The following SEMA5A variants were observed in gnomAD, a reference collection of about 807,000 sequenced individuals.
SEMA5A encodes the protein semaphorin 5A, also known as semaphorin-5A.
SEMA5A carries 55 observed loss-of-function variants against 135.5 expected under a neutral mutation model. That is an observed-to-expected ratio of 0.41 (90% CI 0.33 to 0.51). The LOEUF (loss-of-function observed/expected upper bound fraction) is 0.51, where lower values mean the gene tolerates loss of function less well. Ranked by LOEUF, SEMA5A falls within the 20% of genes least tolerant of loss-of-function variation. SEMA5A has a pLI of 0.37. For missense variants in SEMA5A, 1,290 were observed against 1,419.9 expected (o/e 0.91, Z 1.47); for synonymous variants, 580 against 546.5 (o/e 1.06, Z -0.85).
At chr5:9,227,741 AG>A in intron 6 of SEMA5A, among the ~76,000 whole-genome samples, 1 of 151,778 alleles carries the variant, frequency 6.6e-6, no homozygotes, top group East Asian at 1.9e-4. Context: ...TAGTAGAGAC[AG>A]GGTTTCACCA....
chr5:9,149,184 T>A (rs1742498105), intron 12 of SEMA5A, among the ~76,000 whole-genome samples: 1 of 152,198 alleles, frequency 6.6e-6, no homozygotes, highest in Admixed American at 6.5e-5. Flanking sequence ...CATCTACCCA[T>A]TCATTATGGT....
At chr5:9,123,294 A>AAAAAAT (rs1740924968) in intron 13 of SEMA5A, among the ~76,000 whole-genome samples, 10 of 142,628 alleles carry the variant, frequency 7.0e-5, no homozygotes, top group Non-Finnish European at 1.4e-4. Flanking sequence ...AAAAAAAAAA[A>AAAAAAT]GATTGCATAA....
chr5:9,536,295 G>T (rs867577393), intron 1 of SEMA5A, among the ~76,000 whole-genome samples: 5 of 152,016 alleles, frequency 3.3e-5, no homozygotes, highest in African/African-American at 1.2e-4. Context: ...GTCACTAAAG[G>T]GTATCTGAAG....
At chr5:9,295,065 G>A (rs979719230) in intron 5 of SEMA5A, among the ~76,000 whole-genome samples, 4 of 152,094 alleles carry the variant, frequency 2.6e-5, no homozygotes, top group Non-Finnish European at 2.9e-5. Context: ...TTCTGGGATC[G>A]GATACACTAT....
intron 8 of SEMA5A, among the ~76,000 whole-genome samples, chr5:9,211,130 A>G (rs1304104273): frequency 2.0e-5 from 3 of 152,138 alleles, no homozygotes; most frequent in Non-Finnish European, 4.4e-5. Flanking sequence ...TTTGCTCAAC[A>G]CACTTTCCAT....
chr5:9,134,038 T>C (rs989976945), intron 13 of SEMA5A, among the ~76,000 whole-genome samples: 4 of 152,160 alleles, frequency 2.6e-5, no homozygotes, highest in Admixed American at 2.6e-4. Context: ...CCTGCTGACT[T>C]GTGAAGAAGG....
intron 13 of SEMA5A, among the ~76,000 whole-genome samples, chr5:9,134,212 C>G (rs774394739): frequency 4.1e-4 from 62 of 152,326 alleles, no homozygotes; most frequent in Middle Eastern, 3.4e-3. Context: ...GTGGCATGAT[C>G]TCGGTTCACC....
chr5:9,076,203 CAAAA>C (rs55743535), intron 16 of SEMA5A, among the ~76,000 whole-genome samples: 2 of 89,888 alleles, frequency 2.2e-5, no homozygotes. Context: ...GACTCCATCT[CAAAA>C]AAAAAAAAAA....
intron 2 of SEMA5A, among the ~76,000 whole-genome samples, chr5:9,395,098 A>T (rs1756331039): frequency 6.6e-6 from 1 of 152,224 alleles, no homozygotes; most frequent in Non-Finnish European, 1.5e-5. Flanking sequence ...TAAAATGAGC[A>T]AAATATTTAC....
chr5:9,161,898 C>A (rs56043446), intron 11 of SEMA5A, among the ~76,000 whole-genome samples: 14,089 of 152,208 alleles, frequency 0.093, 1,007 homozygotes, highest in African/African-American at 0.17. Context: ...AGTGACAGCT[C>A]ACAGCTACAC....
intron 8 of SEMA5A, among the ~76,000 whole-genome samples, chr5:9,203,197 G>T (rs3026337): frequency 1.3e-5 from 2 of 151,994 alleles, no homozygotes; most frequent in East Asian, 3.9e-4. Flanking sequence ...TTTATTCTTC[G>T]CTATTTCTAA....
intron 5 of SEMA5A, among the ~76,000 whole-genome samples, chr5:9,293,457 G>A (rs1160353740): frequency 6.6e-5 from 10 of 152,138 alleles, no homozygotes; most frequent in African/African-American, 2.4e-4. Context: ...ATCACCAAGG[G>A]ACACAAACTT....
At position 9,201,995 on chromosome 5, in the gene SEMA5A, G is replaced by T; in HGVS notation, c.892C>A (p.Pro298Thr). The T allele has an allele frequency of 1.9e-6, 3 of 1,614,172 alleles. No homozygotes were observed. The highest frequency in any genetic ancestry group is 3.3e-5 in the Admixed American group (2 of 60,024). Residue 298 changes from proline (P) to threonine (T), a missense_variant, in exon 9 of 23, where the codon CCT (proline) becomes ACT (threonine). By Grantham distance (38) the Pro-to-Thr change is conservative (BLOSUM62 -1). Around this residue, in one of 3 missense-constraint regions of SEMA5A, gnomAD observed 1,029 missense variants for 1,086.6 expected, o/e 0.95. Coordinates refer to ENST00000382496, the MANE Select transcript of SEMA5A (RefSeq NM_003966.3). Reference sequence around the variant, plus strand: ...ATGCCATAGATCAAATCCAGCTCAGGCAGGAAGAAAGTACTCTGCAATTCG... The same window carrying T: ...ATGCCATAGATCAAATCCAGCTCAGTCAGGAAGAAAGTACTCTGCAATTCG... ...YNELQSTFFL[P>T]ELDLIYGIFT...
chr5:9,035,287 A>C lies in SEMA5A; in HGVS notation c.*7610T>G, dbSNP rs2150005109. ...TCATAAAGATGAATAGGGTTGAGAT[A>C]CAGAAACTGTCAATGCACCAAGAGC... is the stretch of plus-strand genomic sequence containing the variant. On this transcript the variant is annotated 3_prime_UTR_variant, in exon 23 of 23. Coordinates refer to ENST00000382496, the MANE Select transcript of SEMA5A (RefSeq NM_003966.3). The C allele has an allele frequency of 6.6e-6, 1 of 152,338 alleles. No individual in the cohort carries two copies. Among genetic ancestry groups the C allele is most frequent in the Admixed American group, 6.5e-5 (1 of 15,302 alleles). The allele number at this position is 152,338 out of a possible 1,614,324, so 9.4% of individuals were successfully genotyped here.
At chr5:9,066,739 T>G in intron 16 of SEMA5A, 93 bp from the exon 17 acceptor site, 3 of 1,043,356 alleles carry the variant, frequency 2.9e-6, no homozygotes, top group Non-Finnish European at 4.3e-6. Context: ...TAAGGGTCTC[T>G]AAAACACCAG....
At chr5:9,329,641 G>A (rs1753030314) in intron 4 of SEMA5A, among the ~76,000 whole-genome samples, 2 of 152,214 alleles carry the variant, frequency 1.3e-5, no homozygotes, top group South Asian at 2.1e-4. Flanking sequence ...TCAATACTCA[G>A]TCTGTAGCAC....
intron 16 of SEMA5A, among the ~76,000 whole-genome samples, chr5:9,073,081 C>T (rs1419187420): frequency 6.6e-6 from 1 of 152,080 alleles, no homozygotes; most frequent in Non-Finnish European, 1.5e-5. Context: ...CAGTATCTCC[C>T]AAGTCATTCT....
intron 2 of SEMA5A, among the ~76,000 whole-genome samples, chr5:9,392,523 A>G (rs1756207493): frequency 6.6e-6 from 1 of 152,228 alleles, no homozygotes; most frequent in Admixed American, 6.5e-5. Flanking sequence ...GGCGAGCTCA[A>G]TGACAGCAAA....
chr5:9,066,707 G>T, intron 16 of SEMA5A, 61 bp from the exon 17 acceptor site: 1 of 1,444,586 alleles, frequency 6.9e-7, no homozygotes, highest in Middle Eastern at 1.8e-4. Context: ...CTCACGAAGG[G>T]CTCCTTTCCT....
Sources: gnomAD v4.1 joint callset for allele counts (sites outside exome capture counted in the v4.1 genomes callset) on GRCh38, gnomAD v4.1.1 for gene constraint, gnomAD v4.1.1 regional missense constraint, MANE v1.5 for transcripts, NCBI Gene and HGNC (gene_info 2026-07-23, HGNC 2026-07-21) for gene names.